CSGALNACT1: variants seen among roughly 807,000 people sequenced by gnomAD.
The protein encoded by CSGALNACT1 is chondroitin sulfate N-acetylgalactosaminyltransferase 1, also known as beta4GalNAcT-1.
A neutral mutation model predicts 51.0 loss-of-function variants in CSGALNACT1; 52 were observed. The observed-to-expected ratio is 1.02, with a 90% CI of 0.82 to 1.29. The LOEUF is 1.29. Ranked by LOEUF, CSGALNACT1 falls within the 50% of genes most tolerant of loss-of-function variation. CSGALNACT1 has a pLI of 0.00. For missense variants in CSGALNACT1, 935 were observed against 679.2 expected (o/e 1.38, Z -4.19); for synonymous variants, 341 against 254.4 (o/e 1.34, Z -3.24).
chr8:19,572,146 C>G (rs2043181644), intron 3 of CSGALNACT1, among the ~76,000 whole-genome samples: 1 of 152,168 alleles, frequency 6.6e-6, no homozygotes, highest in African/African-American at 2.4e-5. Context: ...ACATACTTCC[C>G]CTAAAATAAT....
chr8:19,734,998 C>T (rs1254427462), intron 1 of CSGALNACT1, among the ~76,000 whole-genome samples: 7 of 151,956 alleles, frequency 4.6e-5, no homozygotes, highest in African/African-American at 1.7e-4. Context: ...ATCTTGCTAT[C>T]CAGGAAATCA....
chr8:19,675,507 CCAGA>C (rs1564403507), intron 1 of CSGALNACT1, among the ~76,000 whole-genome samples: 1 of 152,028 alleles, frequency 6.6e-6, no homozygotes, highest in African/African-American at 2.4e-5. Flanking sequence ...ATCCCTCCCC[CCAGA>C]CAGAGTCTCC....
At chr8:19,726,535 C>G (rs1308201128) in intron 1 of CSGALNACT1, among the ~76,000 whole-genome samples, 4 of 152,042 alleles carry the variant, frequency 2.6e-5, no homozygotes, top group Non-Finnish European at 4.4e-5. Context: ...ATGGTTAAGT[C>G]AAGCTAATTA....
intron 1 of CSGALNACT1, among the ~76,000 whole-genome samples, chr8:19,694,963 T>G (rs2061511656): frequency 6.6e-6 from 1 of 152,144 alleles, no homozygotes; most frequent in African/African-American, 2.4e-5. Context: ...ACCCTTTCCA[T>G]TCAACAAGCC....
rs906194680 is a variant in CSGALNACT1 at position 19,453,839 on chromosome 8, G to C, written c.851+4587C>G. The stretch of plus-strand genomic sequence containing the variant: ...AGGTACGAGAAGCACTTGAACCTGG[G>C]AGGCAGAGGTTGCAGTGAGCCAAGA... On this transcript the variant is annotated intron_variant, in intron 5 of 9. Transcript: ENST00000454498. Among the ~76,000 whole-genome samples, 53 of 151,708 alleles carry C rather than the reference G, an allele frequency of 3.5e-4. 1 individual carries two copies. Among genetic ancestry groups the C allele is most frequent in the African/African-American group, 1.2e-3 (50 of 41,430 alleles).
intron 6 of CSGALNACT1, among the ~76,000 whole-genome samples, chr8:19,437,827 C>T (rs2060628792): frequency 1.3e-5 from 2 of 152,116 alleles, no homozygotes; most frequent in African/African-American, 4.8e-5. Flanking sequence ...TAGATGTTTG[C>T]CAAAGTTTGA....
chr8:19,645,858 C>G (rs1160735402), intron 1 of CSGALNACT1, among the ~76,000 whole-genome samples: 2 of 152,146 alleles, frequency 1.3e-5, no homozygotes, highest in Non-Finnish European at 1.5e-5. Flanking sequence ...CCTGGGCTCT[C>G]TCTGTCCACC....
chr8:19,679,814 C>T (rs563085292), intron 1 of CSGALNACT1, among the ~76,000 whole-genome samples: 1 of 152,258 alleles, frequency 6.6e-6, no homozygotes, highest in South Asian at 2.1e-4. Context: ...GTCCCGGCAA[C>T]ACTTTACCTG....
intron 1 of CSGALNACT1, among the ~76,000 whole-genome samples, chr8:19,681,384 T>A (rs1435290240): frequency 2.0e-5 from 3 of 152,048 alleles, no homozygotes; most frequent in Non-Finnish European, 4.4e-5. Flanking sequence ...GGGGAAATGG[T>A]GCATCTGTCC....
At chr8:19,500,482 C>T (rs1003136945) in intron 4 of CSGALNACT1, among the ~76,000 whole-genome samples, 5 of 152,276 alleles carry the variant, frequency 3.3e-5, no homozygotes, top group African/African-American at 9.6e-5. Flanking sequence ...AAATGGCACA[C>T]TGACATAAGG....
At chr8:19,416,130 T>TTC (rs67057134) in intron 8 of CSGALNACT1, among the ~76,000 whole-genome samples, 32 of 150,638 alleles carry the variant, frequency 2.1e-4, no homozygotes, top group East Asian at 1.2e-3. Context: ...TTTTTTTTTT[T>TTC]CTGAGACAGA....
chr8:19,627,741 C>T (rs1176158212), intron 1 of CSGALNACT1, among the ~76,000 whole-genome samples: 1 of 152,166 alleles, frequency 6.6e-6, no homozygotes, highest in Non-Finnish European at 1.5e-5. Flanking sequence ...GGGAGGATCA[C>T]TTGAGCCTAG....
intron 5 of CSGALNACT1, among the ~76,000 whole-genome samples, chr8:19,455,748 G>A (rs1432146408): frequency 6.6e-6 from 1 of 152,184 alleles, no homozygotes; most frequent in Non-Finnish European, 1.5e-5. Flanking sequence ...AGTGTCAGCT[G>A]TCCTGGCCAG....
intron 4 of CSGALNACT1, among the ~76,000 whole-genome samples, chr8:19,498,807 A>T (rs1220660556): frequency 6.6e-6 from 1 of 152,210 alleles, no homozygotes; most frequent in Admixed American, 6.5e-5. Flanking sequence ...AAGAACAGTG[A>T]TATCTCTATT....
chr8:19,666,940 AGAAAAAG>A, intron 1 of CSGALNACT1, among the ~76,000 whole-genome samples: 2 of 127,506 alleles, frequency 1.6e-5, no homozygotes, highest in African/African-American at 3.0e-5. Flanking sequence ...AGAGAGAGAG[AGAAAAAG>A]AAAGAAAGAA....
At chr8:19,697,603 A>T (rs960612845) in intron 1 of CSGALNACT1, among the ~76,000 whole-genome samples, 3 of 152,136 alleles carry the variant, frequency 2.0e-5, no homozygotes, top group African/African-American at 7.2e-5. Flanking sequence ...CTGGGGAGTG[A>T]GGGAGTGAGT....
At chr8:19,756,724 C>A (rs1331849545) in intron 1 of CSGALNACT1, among the ~76,000 whole-genome samples, 1 of 152,184 alleles carries the variant, frequency 6.6e-6, no homozygotes, top group African/African-American at 2.4e-5. Context: ...CGGCCACCCT[C>A]GTCACGCCCC....
At chr8:19,550,999 C>A (rs371775797) in intron 3 of CSGALNACT1, among the ~76,000 whole-genome samples, 1 of 152,160 alleles carries the variant, frequency 6.6e-6, no homozygotes, top group African/African-American at 2.4e-5. Context: ...TTCTGACTTC[C>A]CAGCAATCAC....
At chr8:19,624,306 C>T (rs935522205) in intron 1 of CSGALNACT1, among the ~76,000 whole-genome samples, 47 of 152,150 alleles carry the variant, frequency 3.1e-4, no homozygotes, top group African/African-American at 1.0e-3. Flanking sequence ...CAAAAATATT[C>T]TGGATTTAAA....
Sources: gnomAD v4.1 joint callset for allele counts (sites outside exome capture counted in the v4.1 genomes callset) on GRCh38, gnomAD v4.1.1 for gene constraint, MANE v1.5 for transcripts, NCBI Gene and HGNC (gene_info 2026-07-23, HGNC 2026-07-21) for gene names.